Variants in COL11A1 observed in about 807,000 individuals in gnomAD.
COL11A1 encodes collagen alpha-1(XI) chain.
COL11A1 carries 74 observed loss-of-function variants against 265.2 expected under a neutral mutation model. The observed-to-expected ratio is 0.28, with a 90% CI of 0.23 to 0.34. The LOEUF (loss-of-function observed/expected upper bound fraction) is 0.34. Among genes scored for constraint, COL11A1 ranks in the 10% least tolerant of loss-of-function variants. The pLI is 1.00. For missense variants in COL11A1, 2,165 were observed against 2,263.6 expected (o/e 0.96, Z 0.88); for synonymous variants, 816 against 727.6 (o/e 1.12, Z -1.96).
chr1:103,071,631 A>T (rs1309743943), intron 4 of COL11A1, among the ~76,000 whole-genome samples: 1 of 151,466 alleles, frequency 6.6e-6, no homozygotes, highest in African/African-American at 2.4e-5. Context: ...AGGCCAGAAA[A>T]GAAGTACTTC....
chr1:103,039,905 T>A (rs369120603), intron 4 of COL11A1, among the ~76,000 whole-genome samples: 7 of 152,234 alleles, frequency 4.6e-5, no homozygotes, highest in African/African-American at 1.7e-4. Context: ...TATTGGCTGA[T>A]TTAATTTGGC....
At chr1:103,041,123 G>A (rs188768957) in intron 4 of COL11A1, among the ~76,000 whole-genome samples, 20 of 151,968 alleles carry the variant, frequency 1.3e-4, no homozygotes, top group African/African-American at 4.6e-4. Context: ...TTTGCATTAG[G>A]TAGTACTTTC....
At chr1:102,977,178 T>G (rs1396523658) in intron 35 of COL11A1, among the ~76,000 whole-genome samples, 1 of 152,130 alleles carries the variant, frequency 6.6e-6, no homozygotes, top group Non-Finnish European at 1.5e-5. Context: ...TGGCATTACT[T>G]TTGCCATTTT....
intron 49 of COL11A1, among the ~76,000 whole-genome samples, chr1:102,916,863 A>G (rs1655397692): frequency 6.6e-6 from 1 of 151,980 alleles, no homozygotes; most frequent in Admixed American, 6.6e-5. Flanking sequence ...AAAGAGAGGT[A>G]TCATTCATCT....
intron 4 of COL11A1, among the ~76,000 whole-genome samples, chr1:103,060,865 A>C (rs1251211453): frequency 6.6e-6 from 1 of 152,058 alleles, no homozygotes; most frequent in Non-Finnish European, 1.5e-5. Flanking sequence ...CAGGGTAATA[A>C]ATGGAACATA....
At chr1:102,909,859 A>G (rs1372460300) in intron 54 of COL11A1, among the ~76,000 whole-genome samples, 1 of 152,018 alleles carries the variant, frequency 6.6e-6, no homozygotes, top group Admixed American at 6.6e-5. Flanking sequence ...ATTGTCGATC[A>G]TTATCCATTC....
At chr1:102,944,129 T>G (rs535288120) in intron 42 of COL11A1, among the ~76,000 whole-genome samples, 1 of 152,298 alleles carries the variant, frequency 6.6e-6, no homozygotes, top group African/African-American at 2.4e-5. Flanking sequence ...GGTCACATCT[T>G]GCCTTTCTTT....
At chr1:103,016,967 G>A (rs1052189838) in intron 11 of COL11A1, among the ~76,000 whole-genome samples, 2 of 151,856 alleles carry the variant, frequency 1.3e-5, no homozygotes, top group African/African-American at 4.8e-5. Context: ...TTTAAGGTGA[G>A]TAAATTACAG....
intron 3 of COL11A1, among the ~76,000 whole-genome samples, chr1:103,076,499 G>T (rs1053809456): frequency 1.3e-5 from 2 of 151,996 alleles, no homozygotes; most frequent in Non-Finnish European, 1.5e-5. Context: ...GACGCCCCCT[G>T]GACTCCTGGC....
At chr1:103,044,171 T>G (rs1669059356) in intron 4 of COL11A1, among the ~76,000 whole-genome samples, 1 of 151,954 alleles carries the variant, frequency 6.6e-6, no homozygotes, top group South Asian at 2.1e-4. Context: ...ACCAGTTTTT[T>G]TTTTTTTCAA....
At chr1:102,908,614 T>G (rs1654275458) in intron 54 of COL11A1, among the ~76,000 whole-genome samples, 1 of 152,138 alleles carries the variant, frequency 6.6e-6, no homozygotes, top group Admixed American at 6.6e-5. Flanking sequence ...CAGCAGAATT[T>G]TTTCAATAGT....
chr1:103,092,745 T>C (rs989776227), intron 1 of COL11A1, among the ~76,000 whole-genome samples: 2 of 152,140 alleles, frequency 1.3e-5, no homozygotes, highest in Non-Finnish European at 2.9e-5. Flanking sequence ...CTTGTGTGCT[T>C]TTCATCACAT....
chr1:103,103,828 G>T (rs1291465978), intron 1 of COL11A1, among the ~76,000 whole-genome samples: 3 of 151,880 alleles, frequency 2.0e-5, no homozygotes, highest in East Asian at 1.9e-4. Flanking sequence ...GAGCTAAAAG[G>T]TACTTACATT....
chr1:103,060,565 C>G (rs750679461), intron 4 of COL11A1, among the ~76,000 whole-genome samples: 21 of 151,982 alleles, frequency 1.4e-4, no homozygotes, highest in Admixed American at 2.6e-4. Flanking sequence ...ACAGAAAAGG[C>G]AGGAGAGAGG....
At chr1:102,909,374 C>A (rs1015747) in intron 54 of COL11A1, among the ~76,000 whole-genome samples, 80,914 of 151,994 alleles carry the variant, frequency 0.53, 25,780 homozygotes, top group East Asian at 0.77. Context: ...GTAGAGCCTG[C>A]AGAACTGTGA....
chr1:102,979,651 G>A (rs183771726), intron 31 of COL11A1: 29 of 630,692 alleles, frequency 4.6e-5, no homozygotes, highest in South Asian at 4.1e-4. Flanking sequence ...AAACATTTTA[G>A]TTTTTAACCT....
chr1:102,995,294 G>T (rs1187455257), intron 28 of COL11A1, among the ~76,000 whole-genome samples: 2 of 151,904 alleles, frequency 1.3e-5, no homozygotes, highest in South Asian at 2.1e-4. Flanking sequence ...CCCTATAAAA[G>T]ATGCCATATG....
chr1:103,086,254 A>G (rs1672845522), intron 1 of COL11A1, among the ~76,000 whole-genome samples: 3 of 152,290 alleles, frequency 2.0e-5, no homozygotes, highest in South Asian at 2.1e-4. Context: ...TCTCCAAAGT[A>G]GAACTGAATA....
At chr1:103,006,432 A>G in intron 15 of COL11A1, 117 bp from the exon 16 acceptor site, 1 of 602,514 alleles carries the variant, frequency 1.7e-6, no homozygotes, top group Non-Finnish European at 2.7e-6. Context: ...TTAATCATTC[A>G]AACACAAGAA....
Sources: gnomAD v4.1 joint callset for allele counts (sites outside exome capture counted in the v4.1 genomes callset) on GRCh38, gnomAD v4.1.1 for gene constraint, MANE v1.5 for transcripts, NCBI Gene and HGNC (gene_info 2026-07-23, HGNC 2026-07-21) for gene names.